Variants in ADGRL2 observed in about 807,000 individuals in gnomAD.
The protein encoded by ADGRL2 is adhesion G protein-coupled receptor L2.
In ADGRL2, 44 loss-of-function variants were observed where a neutral mutation model predicts 157.4. The ratio of observed to expected loss-of-function variants is 0.28; its 90% CI spans 0.22 to 0.36. The LOEUF (loss-of-function observed/expected upper bound fraction) is 0.36, where lower values mean the gene tolerates loss of function less well. ADGRL2 is among the 10% of genes least tolerant of loss of function. The pLI is 1.00. For synonymous variants in ADGRL2, 585 were observed against 624.7 expected (o/e 0.94, Z 0.95); for missense variants, 1,510 against 1,768.9 (o/e 0.85, Z 2.63).
At chr1:81,353,757 G>A (rs541214858) in intron 1 of ADGRL2, among the ~76,000 whole-genome samples, 2 of 152,258 alleles carry the variant, frequency 1.3e-5, no homozygotes, top group South Asian at 4.2e-4. Flanking sequence ...ATTTCAAGTG[G>A]CCCTGGGATG....
intron 2 of ADGRL2, among the ~76,000 whole-genome samples, chr1:81,846,678 C>T (rs2092803524): frequency 6.6e-6 from 1 of 151,876 alleles, no homozygotes; most frequent in South Asian, 2.1e-4. Flanking sequence ...TTAATTAGTT[C>T]TCTTTTCCCT....
At chr1:81,721,759 G>T in intron 1 of ADGRL2, 1 of 1,406,400 alleles carries the variant, frequency 7.1e-7, no homozygotes, top group East Asian at 2.3e-5. Context: ...CGAGCATTCT[G>T]CACACCGAGG....
At chr1:81,346,805 G>A (rs373601971) in intron 1 of ADGRL2, among the ~76,000 whole-genome samples, 2 of 152,176 alleles carry the variant, frequency 1.3e-5, no homozygotes, top group East Asian at 3.9e-4. Context: ...GCAGTCTATG[G>A]CATTTTGTTA....
chr1:81,508,374 C>G (rs1451976661), intron 2 of ADGRL2, among the ~76,000 whole-genome samples: 2 of 152,124 alleles, frequency 1.3e-5, no homozygotes, highest in Non-Finnish European at 2.9e-5. Context: ...TCACCCCTAC[C>G]TCAGTCACAG....
chr1:81,919,716 T>A (rs1467468188), intron 3 of ADGRL2, among the ~76,000 whole-genome samples: 1 of 152,204 alleles, frequency 6.6e-6, no homozygotes, highest in Non-Finnish European at 1.5e-5. Flanking sequence ...TAGAATTCTA[T>A]GTAAACTTGA....
chr1:81,837,751 T>C (rs2092355234), intron 2 of ADGRL2, among the ~76,000 whole-genome samples: 1 of 152,020 alleles, frequency 6.6e-6, no homozygotes, highest in South Asian at 2.1e-4. Flanking sequence ...CCATCATTTA[T>C]TAACTATATA....
At chr1:81,621,463 G>A (rs2081788072) in intron 3 of ADGRL2, among the ~76,000 whole-genome samples, 1 of 152,178 alleles carries the variant, frequency 6.6e-6, no homozygotes, top group Admixed American at 6.5e-5. Flanking sequence ...AAGCCATGTT[G>A]TGAACTCCCT....
intron 1 of ADGRL2, among the ~76,000 whole-genome samples, chr1:81,435,463 T>G (rs890751752): frequency 1.3e-5 from 2 of 152,204 alleles, no homozygotes; most frequent in Non-Finnish European, 2.9e-5. Flanking sequence ...GAGAGTTCAA[T>G]GAATTCAAAA....
rs150239679 is a variant in ADGRL2, at chr1:81,432,413, G to A, written c.-301-12623G>A. On this transcript the variant is annotated intron_variant, in intron 1 of 24. Coordinates refer to the ADGRL2 transcript ENST00000370721. ...GGATTCAGATGAGCCACCCCAGTGC[G>A]TATGCAGGAAACAAAACAGGATATT... 9.0e-3 allele frequency among the ~76,000 whole-genome samples: 1,365 copies of A among 152,274 alleles called. 9 individuals carry two copies. Among genetic ancestry groups the A allele is most frequent in the Non-Finnish European group, 0.015 (1,014 of 68,024 alleles).
chr1:81,802,632 G>A (rs2088420325), intron 1 of ADGRL2, among the ~76,000 whole-genome samples: 1 of 152,076 alleles, frequency 6.6e-6, no homozygotes, highest in South Asian at 2.1e-4. Flanking sequence ...GGGGGCCTGG[G>A]GAGGAGGAGT....
chr1:81,815,174 T>G (rs1013504259), intron 1 of ADGRL2, among the ~76,000 whole-genome samples: 2 of 151,860 alleles, frequency 1.3e-5, no homozygotes, highest in Non-Finnish European at 3.0e-5. Flanking sequence ...AGAAAATTTA[T>G]TAATTTTTAG....
intron 1 of ADGRL2, among the ~76,000 whole-genome samples, chr1:81,432,015 A>AT (rs1477873701): frequency 1.3e-5 from 2 of 152,182 alleles, no homozygotes; most frequent in African/African-American, 4.8e-5. Flanking sequence ...GTTATTGCTA[A>AT]TTTTTGTCTA....
intron 3 of ADGRL2, among the ~76,000 whole-genome samples, chr1:81,582,484 T>C (rs1217269804): frequency 6.6e-6 from 1 of 152,114 alleles, no homozygotes; most frequent in Non-Finnish European, 1.5e-5. Context: ...GTTCCTTACA[T>C]GTTTTGAAAA....
chr1:81,768,918 T>C, intron 2 of ADGRL2, among the ~76,000 whole-genome samples: 1 of 150,850 alleles, frequency 6.6e-6, no homozygotes, highest in Non-Finnish European at 1.5e-5. Flanking sequence ...CCGTCTCTAC[T>C]AAAAAAAAAT....
At chr1:81,308,044 TG>T (rs1659473257) in intron 1 of ADGRL2, among the ~76,000 whole-genome samples, 1 of 152,032 alleles carries the variant, frequency 6.6e-6, no homozygotes, top group Admixed American at 6.6e-5. Context: ...CCTACTGGTA[TG>T]CAAGCTACTC....
intron 3 of ADGRL2, among the ~76,000 whole-genome samples, chr1:81,600,787 C>G (rs899283093): frequency 6.6e-6 from 1 of 152,152 alleles, no homozygotes; most frequent in Non-Finnish European, 1.5e-5. Context: ...GAGGACCACA[C>G]TTTAGATCAC....
intron 3 of ADGRL2, among the ~76,000 whole-genome samples, chr1:81,919,914 C>T (rs2094939348): frequency 6.6e-6 from 1 of 152,010 alleles, no homozygotes; most frequent in South Asian, 2.1e-4. Flanking sequence ...GATGAGTAGA[C>T]CTTTATTAAG....
At chr1:81,604,780 A>G (rs951649274) in intron 3 of ADGRL2, among the ~76,000 whole-genome samples, 4 of 152,146 alleles carry the variant, frequency 2.6e-5, no homozygotes, top group Non-Finnish European at 5.9e-5. Flanking sequence ...GATTCACCTG[A>G]GCCATGTGTG....
upstream of ADGRL2, among the ~76,000 whole-genome samples, chr1:81,799,580 G>C (rs1008008366): frequency 1.3e-5 from 2 of 152,126 alleles, no homozygotes; most frequent in Non-Finnish European, 2.9e-5. Flanking sequence ...ACAAAATACT[G>C]ATAGGTATTT....
Sources: gnomAD v4.1 joint callset for allele counts (sites outside exome capture counted in the v4.1 genomes callset) on GRCh38, gnomAD v4.1.1 for gene constraint, MANE v1.5 for transcripts, NCBI Gene and HGNC (gene_info 2026-07-23, HGNC 2026-07-21) for gene names.